MBOAT1: variants seen among roughly 807,000 people sequenced by gnomAD.
MBOAT1 encodes membrane bound glycerophospholipid O-acyltransferase 1.
Under a neutral mutation model 64.4 loss-of-function variants are expected in MBOAT1, and 67 were observed. That is an observed-to-expected ratio of 1.04 (90% CI 0.85 to 1.27). The LOEUF (loss-of-function observed/expected upper bound fraction) is 1.27. Ranked by LOEUF, MBOAT1 falls within the 50% of genes most tolerant of loss-of-function variation. MBOAT1 has a pLI of 0.00. For missense variants in MBOAT1, 563 were observed against 604.6 expected (o/e 0.93, Z 0.72); for synonymous variants, 229 against 218.9 (o/e 1.05, Z -0.41).
chr6:20,205,293 G>A (rs998827947), intron 1 of MBOAT1, among the ~76,000 whole-genome samples: 1 of 152,170 alleles, frequency 6.6e-6, no homozygotes, highest in Non-Finnish European at 1.5e-5. Context: ...TTTTAGTGCT[G>A]TATTAACTGA....
chr6:20,193,533 T>C (rs1561783928), intron 1 of MBOAT1, among the ~76,000 whole-genome samples: 1 of 152,082 alleles, frequency 6.6e-6, no homozygotes, highest in East Asian at 1.9e-4. Context: ...AGAAAAATAC[T>C]TCTCTTATTA....
intron 1 of MBOAT1, among the ~76,000 whole-genome samples, chr6:20,179,594 T>C (rs1762453105): frequency 6.6e-6 from 1 of 152,238 alleles, no homozygotes; most frequent in Non-Finnish European, 1.5e-5. Context: ...ATTCCATGTG[T>C]CTGTTATTGT....
intron 11 of MBOAT1, among the ~76,000 whole-genome samples, chr6:20,110,216 CTTT>C (rs11337867): frequency 7.1e-6 from 1 of 140,422 alleles, no homozygotes; most frequent in African/African-American, 2.7e-5. Flanking sequence ...GCCCAGGACT[CTTT>C]TTTTTTTTTT....
intron 11 of MBOAT1, among the ~76,000 whole-genome samples, chr6:20,112,436 T>C (rs920176316): frequency 6.6e-6 from 1 of 152,192 alleles, no homozygotes; most frequent in African/African-American, 2.4e-5. Context: ...CGCTATTTCA[T>C]TGACTGCTCA....
chr6:20,200,306 T>A (rs139257678), intron 1 of MBOAT1, among the ~76,000 whole-genome samples: 35 of 152,306 alleles, frequency 2.3e-4, no homozygotes, highest in East Asian at 1.9e-3. Context: ...TTTAGCTAAG[T>A]CTACTGAAAT....
At chr6:20,144,688 C>T (rs1365029188) in intron 3 of MBOAT1, among the ~76,000 whole-genome samples, 1 of 152,256 alleles carries the variant, frequency 6.6e-6, no homozygotes, top group Non-Finnish European at 1.5e-5. Flanking sequence ...CTCCTCTTCA[C>T]AGCCCTCATG....
At chr6:20,170,077 T>G (rs561560761) in intron 1 of MBOAT1, among the ~76,000 whole-genome samples, 1 of 152,298 alleles carries the variant, frequency 6.6e-6, no homozygotes, top group African/African-American at 2.4e-5. Context: ...TTCTCTTACC[T>G]CTCTGACCAG....
At chr6:20,167,369 C>T (rs1327808919) in intron 1 of MBOAT1, among the ~76,000 whole-genome samples, 18 of 152,106 alleles carry the variant, frequency 1.2e-4, no homozygotes, top group Admixed American at 1.1e-3. Context: ...TTTTACTTCC[C>T]CCAGTAACAT....
At chr6:20,153,245 A>T (rs1761580916) in intron 1 of MBOAT1, among the ~76,000 whole-genome samples, 1 of 152,186 alleles carries the variant, frequency 6.6e-6, no homozygotes, top group Admixed American at 6.5e-5. Context: ...GAACAAGAAA[A>T]CTATACCCTC....
intron 5 of MBOAT1, among the ~76,000 whole-genome samples, chr6:20,129,930 C>T (rs1452033290): frequency 1.3e-5 from 2 of 152,178 alleles, no homozygotes; most frequent in Non-Finnish European, 2.9e-5. Context: ...CAGTTGTTTA[C>T]CCTAGAAAGA....
chr6:20,168,900 T>TGGGC (rs1189963323), intron 1 of MBOAT1, among the ~76,000 whole-genome samples: 6 of 149,648 alleles, frequency 4.0e-5, no homozygotes, highest in African/African-American at 1.5e-4. Flanking sequence ...ACAAATATCA[T>TGGGC]CGGGGTTTTC....
At chr6:20,185,469 GAA>G (rs1189110563) in intron 1 of MBOAT1, among the ~76,000 whole-genome samples, 1 of 152,150 alleles carries the variant, frequency 6.6e-6, no homozygotes, top group African/African-American at 2.4e-5. Flanking sequence ...GGCCTTAATA[GAA>G]AAAGTTTGAC....
At chr6:20,105,615 T>A (rs1006317163) in intron 12 of MBOAT1, among the ~76,000 whole-genome samples, 3 of 152,036 alleles carry the variant, frequency 2.0e-5, no homozygotes, top group Non-Finnish European at 4.4e-5. Flanking sequence ...AATAAAAAAA[T>A]TAGGCGGGTG....
At chr6:20,211,587 C>G (rs1763420415) in intron 1 of MBOAT1, among the ~76,000 whole-genome samples, 1 of 152,156 alleles carries the variant, frequency 6.6e-6, no homozygotes, top group East Asian at 1.9e-4. Flanking sequence ...GCATATGAGC[C>G]AACCGAACCC....
At chr6:20,108,523 T>C (rs537694057) in intron 12 of MBOAT1, among the ~76,000 whole-genome samples, 139 of 152,326 alleles carry the variant, frequency 9.1e-4, no homozygotes, top group Admixed American at 1.6e-3. Flanking sequence ...CTCAAAAAAA[T>C]CATCCCACTT....
At chr6:20,172,261 C>G (rs762193112) in intron 1 of MBOAT1, among the ~76,000 whole-genome samples, 1 of 152,022 alleles carries the variant, frequency 6.6e-6, no homozygotes, top group Non-Finnish European at 1.5e-5. Flanking sequence ...GGCAAAACCC[C>G]ATCTCTACTA....
intron 4 of MBOAT1, among the ~76,000 whole-genome samples, chr6:20,134,390 A>T (rs1195870032): frequency 6.6e-6 from 1 of 152,086 alleles, no homozygotes; most frequent in Non-Finnish European, 1.5e-5. Context: ...AAAAAAAAAA[A>T]TAGAAGCTAT....
intron 1 of MBOAT1, among the ~76,000 whole-genome samples, chr6:20,192,926 C>A (rs1762843044): frequency 6.6e-6 from 1 of 151,268 alleles, no homozygotes; most frequent in Non-Finnish European, 1.5e-5. Flanking sequence ...AGGAGGAAAC[C>A]CAAACATCAA....
chr6:20,191,130 G>C (rs1762789730), intron 1 of MBOAT1, among the ~76,000 whole-genome samples: 1 of 152,202 alleles, frequency 6.6e-6, no homozygotes, highest in Non-Finnish European at 1.5e-5. Context: ...GGGCAGAATG[G>C]ATTAATGTCA....
Sources: allele counts gnomAD v4.1 joint callset (sites outside exome capture counted in the v4.1 genomes callset), GRCh38; gene constraint gnomAD v4.1.1; transcripts MANE v1.5; gene names NCBI Gene and HGNC (gene_info 2026-07-23, HGNC 2026-07-21).